SOX6: variants seen among roughly 807,000 people sequenced by gnomAD.
The protein encoded by SOX6 is SRY-box transcription factor 6, also known as transcription factor SOX-6.
Under a neutral mutation model 97.8 loss-of-function variants are expected in SOX6, and 11 were observed. The observed-to-expected ratio is 0.11, with a 90% CI of 0.07 to 0.19. The LOEUF is 0.19. Among genes scored for constraint, SOX6 ranks in the 10% least tolerant of loss-of-function variants. The pLI is 1.00. For synonymous variants in SOX6, 360 were observed against 371.4 expected (o/e 0.97, Z 0.35); for missense variants, 810 against 1,039.5 (o/e 0.78, Z 3.04).
At chr11:16,063,494 TTTTATATA>T (rs1848008527) in intron 9 of SOX6, among the ~76,000 whole-genome samples, 1 of 83,910 alleles carries the variant, frequency 1.2e-5, no homozygotes, top group South Asian at 3.6e-4. Flanking sequence ...TTTACCATAA[TTTTATATA>T]TATATATATA....
intron 1 of SOX6, among the ~76,000 whole-genome samples, chr11:16,364,685 CA>C (rs1857304148): frequency 6.6e-6 from 1 of 152,028 alleles, no homozygotes; most frequent in Non-Finnish European, 1.5e-5. Context: ...AAACACCATA[CA>C]AATGTAAGGT....
At chr11:16,715,811 G>A (rs1848215852) in intron 2 of SOX6, among the ~76,000 whole-genome samples, 1 of 151,938 alleles carries the variant, frequency 6.6e-6, no homozygotes, top group African/African-American at 2.4e-5. Context: ...ACTACTCTCA[G>A]TTCCTTGAAG....
chr11:16,400,631 A>G (rs1025545092), intron 1 of SOX6, among the ~76,000 whole-genome samples: 2 of 151,462 alleles, frequency 1.3e-5, no homozygotes, highest in South Asian at 2.1e-4. Context: ...AGATACAAAA[A>G]TGTATACATA....
intron 15 of SOX6, 46 bp downstream of exon 15, chr11:15,986,158 T>C: frequency 1.9e-6 from 3 of 1,555,886 alleles, no homozygotes; most frequent in Non-Finnish European, 2.7e-6. Flanking sequence ...CTATAGTTAC[T>C]TACCGCAAAA....
chr11:16,511,040 G>A (rs1361233223), intron 4 of SOX6, among the ~76,000 whole-genome samples: 2 of 151,968 alleles, frequency 1.3e-5, no homozygotes, highest in Non-Finnish European at 2.9e-5. Context: ...ATACTAAGAC[G>A]AAAAAACTAA....
chr11:16,071,754 C>T (rs1016170823), intron 9 of SOX6, among the ~76,000 whole-genome samples: 5 of 152,128 alleles, frequency 3.3e-5, no homozygotes, highest in African/African-American at 7.2e-5. Context: ...TCGTCCCTGC[C>T]TGAGGGACCC....
At chr11:16,144,039 C>G (rs917822481) in intron 6 of SOX6, among the ~76,000 whole-genome samples, 18 of 152,166 alleles carry the variant, frequency 1.2e-4, no homozygotes, top group Admixed American at 4.6e-4. Context: ...CCCAAATCAA[C>G]AGAATAATAT....
At chr11:16,307,850 T>C (rs1324251990) in intron 3 of SOX6, among the ~76,000 whole-genome samples, 2 of 152,226 alleles carry the variant, frequency 1.3e-5, no homozygotes, top group Non-Finnish European at 2.9e-5. Flanking sequence ...TATTTGTATT[T>C]ACTCATTTTC....
At chr11:16,157,424 A>G (rs1046238363) in intron 6 of SOX6, among the ~76,000 whole-genome samples, 19 of 152,030 alleles carry the variant, frequency 1.2e-4, no homozygotes, top group African/African-American at 4.6e-4. Context: ...ATCTACCTGG[A>G]TAATTCAGCA....
intron 14 of SOX6, among the ~76,000 whole-genome samples, chr11:15,988,453 T>G (rs1853935610): frequency 6.6e-6 from 1 of 152,216 alleles, no homozygotes; most frequent in African/African-American, 2.4e-5. Context: ...AATTGTAGAT[T>G]TATTTTACAA....
chr11:16,452,011 T>TAAATAAATAAATAAATAAATAAAA (rs766132129), intron 1 of SOX6, among the ~76,000 whole-genome samples: 3 of 147,572 alleles, frequency 2.0e-5, no homozygotes, highest in African/African-American at 7.6e-5. Flanking sequence ...AATAAATAAA[T>TAAATAAATAAATAAATAAATAAAA]AAAATAAAAT....
chr11:16,355,726 T>C (rs926342135), intron 1 of SOX6, among the ~76,000 whole-genome samples: 8 of 152,028 alleles, frequency 5.3e-5, no homozygotes, highest in Non-Finnish European at 1.0e-4. Flanking sequence ...ATTGGAAAGA[T>C]TGATTTTATT....
At chr11:16,098,021 A>T (rs1848845385) in intron 7 of SOX6, among the ~76,000 whole-genome samples, 1 of 151,878 alleles carries the variant, frequency 6.6e-6, no homozygotes, top group South Asian at 2.1e-4. Context: ...CACTCAGTAC[A>T]CTGGGAAAGC....
intron 1 of SOX6, among the ~76,000 whole-genome samples, chr11:16,433,387 T>TCACATAGCATTTA (rs1859307545): frequency 6.6e-6 from 1 of 152,072 alleles, no homozygotes; most frequent in South Asian, 2.1e-4. Context: ...GTATATGATA[T>TCACATAGCATTTA]GTAAGACGTT....
intron 4 of SOX6, among the ~76,000 whole-genome samples, chr11:16,566,884 A>T (rs889863716): frequency 6.6e-6 from 1 of 152,264 alleles, no homozygotes; most frequent in Admixed American, 6.5e-5. Context: ...AAATGTTCAT[A>T]GGAGCACTAT....
At chr11:16,628,901 A>G (rs554072352) in intron 3 of SOX6, among the ~76,000 whole-genome samples, 2 of 152,134 alleles carry the variant, frequency 1.3e-5, no homozygotes, top group Non-Finnish European at 2.9e-5. Context: ...CTCAGCTTGA[A>G]CATTATTGGT....
intron 4 of SOX6, among the ~76,000 whole-genome samples, chr11:16,559,890 C>T (rs1847789061): frequency 6.6e-6 from 1 of 152,082 alleles, no homozygotes; most frequent in African/African-American, 2.4e-5. Context: ...TATTAATGCA[C>T]TATTCAAATA....
chr11:16,562,129 T>G (rs1039039564), intron 4 of SOX6, among the ~76,000 whole-genome samples: 8 of 152,126 alleles, frequency 5.3e-5, no homozygotes, highest in Middle Eastern at 3.2e-3. Flanking sequence ...GTTCTTGTGT[T>G]TTTAAAATTT....
intron 4 of SOX6, among the ~76,000 whole-genome samples, chr11:16,502,961 A>T (rs942501410): frequency 6.6e-6 from 1 of 152,220 alleles, no homozygotes; most frequent in Non-Finnish European, 1.5e-5. Context: ...AAACAGCAAG[A>T]GAAAAGTGCC....
Sources: allele counts gnomAD v4.1 joint callset (sites outside exome capture counted in the v4.1 genomes callset), GRCh38; gene constraint gnomAD v4.1.1; transcripts MANE v1.5; gene names NCBI Gene and HGNC (gene_info 2026-07-23, HGNC 2026-07-21).